Variants in FCHO1 observed in about 807,000 individuals in gnomAD.
The protein encoded by FCHO1 is F-BAR domain only protein 1.
FCHO1 carries 45 observed loss-of-function variants against 114.4 expected under a neutral mutation model. That is an observed-to-expected ratio of 0.39 (90% CI 0.31 to 0.50). The LOEUF (loss-of-function observed/expected upper bound fraction) is 0.50, where lower values mean the gene tolerates loss of function less well. Ranked by LOEUF, FCHO1 falls within the 20% of genes least tolerant of loss-of-function variation. The pLI is 0.77. For synonymous variants in FCHO1, 480 were observed against 488.9 expected (o/e 0.98, Z 0.24); for missense variants, 1,042 against 1,209.6 (o/e 0.86, Z 2.06).
At position 17,762,781 on chromosome 19, in the gene FCHO1, T is replaced by C; in HGVS notation, c.47T>C (p.Phe16Ser). Reference sequence around the variant, plus strand: ...CTGCAGGGCGAGAAAAATCATGGCTTTGAGGTCCTGTACCACAGCGTGAAG... The same window carrying C: ...CTGCAGGGCGAGAAAAATCATGGCTCTGAGGTCCTGTACCACAGCGTGAAG... ...EHFWGEKNHG[F>S]EVLYHSVKQG... is the part of the protein sequence containing the mutation. The change falls in exon 5 of 29, where the codon TTT becomes TCT. Residue 16 changes from phenylalanine to serine, a missense_variant. Physicochemically the swap from Phe to Ser is radical, Grantham distance 155. This residue lies in a region of FCHO1 where 450 missense variants were observed against 564.1 expected (regional missense o/e 0.80). Coordinates refer to ENST00000596536, the MANE Select transcript of FCHO1 (RefSeq NM_015122.3). 1 of 1,613,836 alleles carries C rather than the reference T, an allele frequency of 6.2e-7. No individual in the cohort carries two copies. Among genetic ancestry groups the C allele is most frequent in the Non-Finnish European group, 8.5e-7 (1 of 1,179,762 alleles).
intron 4 of FCHO1, among the ~76,000 whole-genome samples, chr19:17,757,050 A>G (rs2083821550): frequency 1.3e-5 from 2 of 152,044 alleles, no homozygotes; most frequent in South Asian, 2.1e-4. Context: ...TTAGCCGGGC[A>G]TAGTAGCATG....
chr19:17,771,530 G>A (rs1222089345), intron 9 of FCHO1, among the ~76,000 whole-genome samples: 3 of 151,630 alleles, frequency 2.0e-5, no homozygotes, highest in Admixed American at 6.6e-5. Flanking sequence ...TTAGCCGGGC[G>A]TGGTGGTGGG....
chr19:17,776,383 C>G lies in FCHO1; in HGVS notation c.1207+112C>G. The G allele has an allele frequency of 1.5e-6, 2 of 1,358,232 alleles. No individual in the cohort carries two copies. Among genetic ancestry groups the G allele is most frequent in the African/African-American group, 2.9e-5 (2 of 70,026 alleles). The allele number at this position is 1,358,232 out of a possible 1,614,324, so 84.1% of individuals were successfully genotyped here. On this transcript the variant is annotated intron_variant, in intron 17 of 28. Transcript: ENST00000596536. The surrounding 1 kb of genome is among the most constrained non-coding windows in gnomAD (Gnocchi z 4.4). ...ACTTTGGGCAGGCTGCTTAACCACA[C>G]TGACCTTCAGTCTCCTTTTCTGTAA...
chr19:17,778,599 C>A lies in FCHO1; in HGVS notation c.1352-10C>A, dbSNP rs2092958483. On this transcript the variant is annotated splice_polypyrimidine_tract_variant and intron_variant, in intron 19 of 28. Coordinates refer to ENST00000596536, the MANE Select transcript of FCHO1 (RefSeq NM_015122.3). ...AGGGTCGGAGCTGACCGCCCGCTTC[C>A]CTCCCCAAGGCTCTAGCAGCCTGGG... 1 of 1,535,044 alleles carries A rather than the reference C, an allele frequency of 6.5e-7. No homozygotes were observed. The highest frequency in any genetic ancestry group is 1.4e-5 in the African/African-American group (1 of 72,976).
chr19:17,774,307 C>T (rs2092294568), intron 12 of FCHO1, 24 bp downstream of exon 12: 1 of 1,613,562 alleles, frequency 6.2e-7, no homozygotes, highest in Non-Finnish European at 8.5e-7. Flanking sequence ...GGCCTGGATG[C>T]CCAGGCTGGA....
chr19:17,761,653 T>TATATAC lies in FCHO1; in HGVS notation c.28-1108_28-1107insTATACA, dbSNP rs1491266072. On this transcript the variant is annotated intron_variant, in intron 4 of 28. Transcript: ENST00000596536. The stretch of plus-strand genomic sequence containing the variant: ...ATATACATATATATATATATATATA[T>TATATAC]ACACACACACTTCCCCCCCGCCCTG... Among the ~76,000 whole-genome samples, 826 of 139,734 alleles carry TATATAC rather than the reference T, an allele frequency of 5.9e-3. 8 individuals carry two copies. The highest frequency in any genetic ancestry group is 0.02 in the African/African-American group (739 of 37,596). 91.7% of individuals were successfully genotyped at this position (139,734 alleles called of 152,430 possible). A position where few individuals can be genotyped will look rare whatever the true frequency, so the allele number is the denominator to read the frequency against.
At position 17,778,901 on chromosome 19, in the gene FCHO1, T is replaced by C; in HGVS notation, c.1627+17T>C. On this transcript the variant is annotated intron_variant, in intron 20 of 28. Transcript: ENST00000596536. ...CCGGAGGAGGTGAGTCCAGCGGGCC[T>C]GGGCCTGAGAGTTGCTGGAACCCTG... is the stretch of plus-strand genomic sequence containing the variant. 1 of 1,526,050 alleles carries C rather than the reference T, an allele frequency of 6.6e-7. No individual in the cohort carries two copies. The highest frequency in any genetic ancestry group is 8.7e-7 in the Non-Finnish European group (1 of 1,145,260). 94.5% of individuals were successfully genotyped at this position (1,526,050 alleles called of 1,614,324 possible).
chr19:17,772,817 A>G, intron 11 of FCHO1, 76 bp downstream of exon 11: 1 of 1,090,870 alleles, frequency 9.2e-7, no homozygotes, highest in East Asian at 2.4e-5. Context: ...ATGCCCAGCT[A>G]ATTTTTTTTT....
chr19:17,765,412 CT>C (rs1220517602), intron 6 of FCHO1, among the ~76,000 whole-genome samples: 1 of 152,052 alleles, frequency 6.6e-6, no homozygotes, highest in East Asian at 1.9e-4. Flanking sequence ...TGGCTCAAGC[CT>C]TTAATCCCAG....
Position 17,784,246 on chromosome 19 carries a change from C to T in FCHO1, c.2226+11C>T, listed in dbSNP as rs199984555. On this transcript the variant is annotated intron_variant, in intron 25 of 28. Coordinates refer to ENST00000596536, the MANE Select transcript of FCHO1 (RefSeq NM_015122.3). This position sits in a 1 kb window ranked among gnomAD's most constrained non-coding sequence, Gnocchi z 5.3. The stretch of plus-strand genomic sequence containing the variant: ...CTGCTGCGATACCAGGTGCGCCACC[C>T]GCATGGGGCCGGGAGGAGGTGGTGG... The T allele has an allele frequency of 1.0e-4, 161 of 1,587,830 alleles. No individual in the cohort carries two copies. The East Asian group carries it at 2.4e-3, about 24-fold the overall frequency.
chr19:17,778,652 C>A lies in FCHO1; in HGVS notation c.1395C>A (p.Ser465=). The A allele has an allele frequency of 6.3e-7, 1 of 1,576,772 alleles. No homozygotes were observed. The highest frequency in any genetic ancestry group is 2.3e-5 in the East Asian group (1 of 42,658). Residue 465 remains serine (S), a synonymous_variant, in exon 20 of 29, where the codon TCC becomes TCA. Transcript: ENST00000596536. ...LGFTSSPSPF[S]SSSPENVEDS... ...TCACCTCCAGCCCCTCCCCTTTCTC[C>A]TCCTCGTCGCCCGAAAACGTGGAGG...
rs201561323 is a variant in FCHO1, at chr19:17,788,261, C to A, written c.2648-23C>A. The A allele has an allele frequency of 8.5e-5, 129 of 1,518,150 alleles. No homozygotes were observed. Among genetic ancestry groups the A allele is most frequent in the Non-Finnish European group, 1.8e-5 (20 of 1,097,530 alleles). 94.0% of individuals were successfully genotyped at this position (1,518,150 alleles called of 1,614,324 possible). A position where few individuals can be genotyped will look rare whatever the true frequency, so the allele number is the denominator to read the frequency against. Reference sequence around the variant, plus strand: ...CCGTACCCCTCCTCCCCACCCCTCCCCCTCACAGCTGCACCCCCACAGGGA... The same window carrying A: ...CCGTACCCCTCCTCCCCACCCCTCCACCTCACAGCTGCACCCCCACAGGGA... On this transcript the variant is annotated intron_variant, in intron 28 of 28. Coordinates refer to ENST00000596536, the MANE Select transcript of FCHO1 (RefSeq NM_015122.3).
intron 3 of FCHO1, 88 bp from the exon 4 acceptor site, chr19:17,755,030 T>A: frequency 1.2e-6 from 1 of 837,938 alleles, no homozygotes; most frequent in South Asian, 1.3e-5. Flanking sequence ...CTTCATCCTT[T>A]CTCTCCTTCC....
chr19:17,753,042 A>G (rs1394179403), intron 1 of FCHO1, among the ~76,000 whole-genome samples: 1 of 151,992 alleles, frequency 6.6e-6, no homozygotes, highest in Non-Finnish European at 1.5e-5. Flanking sequence ...TGATCGCACC[A>G]CTGCACTCCA....
chr19:17,776,680 C>T lies in FCHO1; in HGVS notation c.1253C>T (p.Thr418Ile). Residue 418 changes from threonine to isoleucine, a missense_variant, in exon 18 of 29, where the codon ACC becomes ATC. Around this residue, in one of 3 missense-constraint regions of FCHO1, gnomAD observed 455 missense variants for 455.4 expected, o/e 1.00. Coordinates refer to ENST00000596536, the MANE Select transcript of FCHO1 (RefSeq NM_015122.3). The surrounding 1 kb of genome is among the most constrained non-coding windows in gnomAD (Gnocchi z 4.4). ...KPQRPRSAPR[T>I]SSCAERLQSE... ...CAGAGACCTCGGTCTGCCCCCAGAACCAGCAGGTGGGTTCCACACGAGTGG... is the reference window on the plus strand; with the variant it reads ...CAGAGACCTCGGTCTGCCCCCAGAATCAGCAGGTGGGTTCCACACGAGTGG... 3 of 1,613,668 alleles carry T rather than the reference C, an allele frequency of 1.9e-6. No individual in the cohort carries two copies. The highest frequency in any genetic ancestry group is 2.5e-6 in the Non-Finnish European group (3 of 1,179,904).
In FCHO1 at chr19:17,776,226, T is replaced by C; in HGVS notation, c.1183-21T>C. 1 of 1,614,114 alleles carries C rather than the reference T, an allele frequency of 6.2e-7. No homozygotes were observed. Among genetic ancestry groups the C allele is most frequent in the South Asian group, 1.1e-5 (1 of 91,082 alleles). On this transcript the variant is annotated intron_variant, in intron 16 of 28. Coordinates refer to ENST00000596536, the MANE Select transcript of FCHO1 (RefSeq NM_015122.3). The surrounding 1 kb of genome is among the most constrained non-coding windows in gnomAD (Gnocchi z 4.4). Reference sequence around the variant, plus strand: ...GCTGGCTGGATGCATTCGTGTGTGATGTTGCCCACTTTGTCCACAGGGCAC... The same window carrying C: ...GCTGGCTGGATGCATTCGTGTGTGACGTTGCCCACTTTGTCCACAGGGCAC...
Position 17,783,189 on chromosome 19 carries a change from G to A in FCHO1, c.2093+17G>A. 1 of 1,609,278 alleles carries A rather than the reference G, an allele frequency of 6.2e-7. No individual in the cohort carries two copies. Among genetic ancestry groups the A allele is most frequent in the Non-Finnish European group, 8.5e-7 (1 of 1,176,110 alleles). On this transcript the variant is annotated intron_variant, in intron 24 of 28. Coordinates refer to ENST00000596536, the MANE Select transcript of FCHO1 (RefSeq NM_015122.3). ...GCTGTTCAGGTACTATGGAGGGGCAGTGGGAGAGGGCCTCGGAGGCTGCTG... is the reference window on the plus strand; with the variant it reads ...GCTGTTCAGGTACTATGGAGGGGCAATGGGAGAGGGCCTCGGAGGCTGCTG...
chr19:17,775,282 C>G lies in FCHO1; in HGVS notation c.946-174C>G, dbSNP rs1452144491. On this transcript the variant is annotated intron_variant, in intron 14 of 28. Transcript: ENST00000596536. The surrounding 1 kb of genome is among the most constrained non-coding windows in gnomAD (Gnocchi z 5.1). ...GGTGTGAATAATGTCCCTGCCGAAGCTCAGTTTGTCCCAGGAACCTGCCCA... is the reference window on the plus strand; with the variant it reads ...GGTGTGAATAATGTCCCTGCCGAAGGTCAGTTTGTCCCAGGAACCTGCCCA... 6.6e-6 allele frequency among the ~76,000 whole-genome samples: 1 copy of G among 152,128 alleles called. No individual in the cohort carries two copies. The highest frequency in any genetic ancestry group is 1.5e-5 in the Non-Finnish European group (1 of 68,034).
In FCHO1 at chr19:17,775,374, AG is replaced by A; in HGVS notation, c.946-79del. On this transcript the variant is annotated intron_variant, in intron 14 of 28. Transcript: ENST00000596536. The surrounding 1 kb of genome is among the most constrained non-coding windows in gnomAD (Gnocchi z 5.1). ...GAGGTCTGAGTCAAGGCCTGGGGGCAGGGCGGGGGGCGGTTGGCAGGGTGAG... is the reference window on the plus strand; with the variant it reads ...GAGGTCTGAGTCAAGGCCTGGGGGCAGGCGGGGGGCGGTTGGCAGGGTGAG... 1.4e-6 allele frequency: 2 copies of A among 1,397,796 alleles called. No individual in the cohort carries two copies. The highest frequency in any genetic ancestry group is 2.0e-6 in the Non-Finnish European group (2 of 984,258). 86.6% of individuals were successfully genotyped at this position (1,397,796 alleles called of 1,614,324 possible). A position where few individuals can be genotyped will look rare whatever the true frequency, so the allele number is the denominator to read the frequency against.
Sources: allele counts gnomAD v4.1 joint callset (sites outside exome capture counted in the v4.1 genomes callset), GRCh38; gene constraint gnomAD v4.1.1; regional missense constraint gnomAD v4.1.1; non-coding constraint Gnocchi (gnomAD v3.1); transcripts MANE v1.5; gene names NCBI Gene and HGNC (gene_info 2026-07-23, HGNC 2026-07-21).